PRKAG2: variants seen among roughly 807,000 people sequenced by gnomAD.
PRKAG2 encodes 5'-AMP-activated protein kinase subunit gamma-2.
A neutral mutation model predicts 69.6 loss-of-function variants in PRKAG2; 26 were observed. That is an observed-to-expected ratio of 0.37 (90% CI 0.27 to 0.52). The LOEUF (loss-of-function observed/expected upper bound fraction) is 0.52, where lower values mean the gene tolerates loss of function less well. Among genes scored for constraint, PRKAG2 ranks in the 20% least tolerant of loss-of-function variants. PRKAG2 has a pLI of 0.90. For synonymous variants in PRKAG2, 293 were observed against 285.0 expected (o/e 1.03, Z -0.28); for missense variants, 557 against 740.0 (o/e 0.75, Z 2.87).
intron 6 of PRKAG2, 76 bp from the exon 7 acceptor site, chr7:151,576,528 T>A: frequency 7.7e-7 from 1 of 1,296,616 alleles, no homozygotes; most frequent in Non-Finnish European, 1.1e-6. Context: ...TGAGACAAGG[T>A]TTCACTCTGT....
rs2078150747 is a variant in PRKAG2, at chr7:151,807,115, T to C, written c.115-20574A>G. On this transcript the variant is annotated intron_variant, in intron 1 of 15. Transcript: ENST00000287878. This position sits in a 1 kb window ranked among gnomAD's most constrained non-coding sequence, Gnocchi z 4.4. Reference sequence around the variant, plus strand: ...GCTGTAAAGGGTCAGAGGGACCTTGTGGAGTGGTGGAAATGTTCCAGATCA... The same window carrying C: ...GCTGTAAAGGGTCAGAGGGACCTTGCGGAGTGGTGGAAATGTTCCAGATCA... 2.6e-6 allele frequency: 1 copy of C among 383,914 alleles called. No homozygotes were observed. Among genetic ancestry groups the C allele is most frequent in the African/African-American group, 2.1e-5 (1 of 47,292 alleles). 23.8% of individuals were successfully genotyped at this position (383,914 alleles called of 1,614,324 possible).
intron 5 of PRKAG2, among the ~76,000 whole-genome samples, chr7:151,618,835 A>G (rs918230287): frequency 6.6e-6 from 1 of 152,232 alleles, no homozygotes; most frequent in Non-Finnish European, 1.5e-5. Context: ...AAACAAAGGC[A>G]AATCTTAAAC....
At chr7:151,579,163 C>G (rs1380146905) in intron 6 of PRKAG2, among the ~76,000 whole-genome samples, 1 of 152,084 alleles carries the variant, frequency 6.6e-6, no homozygotes, top group African/African-American at 2.4e-5. Flanking sequence ...TAGCTGGGAC[C>G]ACAGGCACAT....
At chr7:151,865,525 A>G (rs191040475) in intron 1 of PRKAG2, among the ~76,000 whole-genome samples, 1,600 of 152,318 alleles carry the variant, frequency 0.011, 35 homozygotes, top group African/African-American at 0.033. Flanking sequence ...GCCCATGTGG[A>G]TCACAGTGAG....
At chr7:151,838,693 C>T (rs556656433) in intron 1 of PRKAG2, among the ~76,000 whole-genome samples, 17 of 138,048 alleles carry the variant, frequency 1.2e-4, no homozygotes, top group Non-Finnish European at 2.2e-4. Context: ...GGAGATAAAG[C>T]AAGACCCTGT....
At chr7:151,840,858 C>T (rs1241459196) in intron 1 of PRKAG2, among the ~76,000 whole-genome samples, 1 of 152,230 alleles carries the variant, frequency 6.6e-6, no homozygotes, top group Non-Finnish European at 1.5e-5. Flanking sequence ...TAAAGTGCTG[C>T]CGGGCACGGT....
At position 151,676,126 on chromosome 7, in the gene PRKAG2, G is replaced by A. The variant is rs542577036; in HGVS notation, c.467-489C>T. 2.4e-3 allele frequency among the ~76,000 whole-genome samples: 365 copies of A among 151,902 alleles called. 3 individuals are homozygous for A. Among genetic ancestry groups the A allele is most frequent in the African/African-American group, 8.6e-3 (356 of 41,380 alleles). On this transcript the variant is annotated intron_variant, in intron 3 of 15. Transcript: ENST00000287878. Reference sequence around the variant, plus strand: ...CCTCTCCTTCTTTCCCCAGCATGGCGCCAAGAGCAAACGCAGTGGTGCCTT... The same window carrying A: ...CCTCTCCTTCTTTCCCCAGCATGGCACCAAGAGCAAACGCAGTGGTGCCTT...
intron 5 of PRKAG2, among the ~76,000 whole-genome samples, chr7:151,609,951 G>A (rs1818385106): frequency 6.6e-6 from 1 of 152,194 alleles, no homozygotes; most frequent in Admixed American, 6.5e-5. Context: ...TGAGCAGCAC[G>A]AACTTGCTGA....
intron 6 of PRKAG2, among the ~76,000 whole-genome samples, chr7:151,587,558 C>A (rs1223256902): frequency 6.6e-6 from 1 of 152,116 alleles, no homozygotes; most frequent in Admixed American, 6.6e-5. Context: ...CAGTAAGCAC[C>A]CTGGAGACGG....
chr7:151,863,085 G>A (rs1168131402), intron 1 of PRKAG2, among the ~76,000 whole-genome samples: 8 of 138,334 alleles, frequency 5.8e-5, no homozygotes, highest in East Asian at 2.3e-4. Context: ...TGCAGGGGGC[G>A]CTGGTAGGTC....
chr7:151,598,856 A>G (rs574669275), intron 5 of PRKAG2, among the ~76,000 whole-genome samples: 2 of 147,360 alleles, frequency 1.4e-5, no homozygotes, highest in Non-Finnish European at 3.0e-5. Flanking sequence ...TTTTTTATGT[A>G]TTTTTTTTTT....
chr7:151,724,841 A>G (rs1354300702), intron 3 of PRKAG2, among the ~76,000 whole-genome samples: 3 of 152,044 alleles, frequency 2.0e-5, no homozygotes, highest in Non-Finnish European at 4.4e-5. Flanking sequence ...GGCACCAGAA[A>G]GCACCCCCCG....
At chr7:151,562,869 C>G (rs1163127188) in intron 14 of PRKAG2, among the ~76,000 whole-genome samples, 2 of 150,968 alleles carry the variant, frequency 1.3e-5, no homozygotes, top group Non-Finnish European at 2.9e-5. Context: ...GCAGGAGAAT[C>G]GCTTGAACCT....
intron 1 of PRKAG2, among the ~76,000 whole-genome samples, chr7:151,826,473 G>A (rs1329083415): frequency 6.6e-6 from 1 of 152,054 alleles, no homozygotes; most frequent in Non-Finnish European, 1.5e-5. Context: ...GTGAGCCACC[G>A]CGCCTGGCTC....
At chr7:151,801,534 C>T (rs534058685) in intron 1 of PRKAG2, among the ~76,000 whole-genome samples, 62 of 152,290 alleles carry the variant, frequency 4.1e-4, no homozygotes, top group African/African-American at 1.4e-3. Flanking sequence ...TCACAGGGCT[C>T]GCTGGGCAGC....
intron 8 of PRKAG2, among the ~76,000 whole-genome samples, chr7:151,574,591 C>T (rs1254069957): frequency 2.0e-5 from 3 of 152,204 alleles, no homozygotes; most frequent in African/African-American, 7.2e-5. Context: ...GAACGTCTAG[C>T]TAATAAATAT....
intron 1 of PRKAG2, among the ~76,000 whole-genome samples, chr7:151,857,193 C>T (rs1273508051): frequency 6.6e-6 from 1 of 150,566 alleles, no homozygotes; most frequent in Non-Finnish European, 1.5e-5. Flanking sequence ...CAGCATCCTG[C>T]GGAAGACGGT....
At chr7:151,682,206 A>G (rs1233576668) in intron 3 of PRKAG2, among the ~76,000 whole-genome samples, 2 of 152,200 alleles carry the variant, frequency 1.3e-5, no homozygotes, top group Non-Finnish European at 2.9e-5. Context: ...ATCACTATTC[A>G]TAAATAAAAG....
chr7:151,612,109 C>T (rs952694269), intron 5 of PRKAG2, among the ~76,000 whole-genome samples: 3 of 152,140 alleles, frequency 2.0e-5, no homozygotes, highest in East Asian at 3.9e-4. Flanking sequence ...GCGACACCAG[C>T]ATCACTAAAG....
Sources: gnomAD v4.1 joint callset for allele counts (sites outside exome capture counted in the v4.1 genomes callset) on GRCh38, gnomAD v4.1.1 for gene constraint, Gnocchi (gnomAD v3.1) non-coding constraint, MANE v1.5 for transcripts, NCBI Gene and HGNC (gene_info 2026-07-23, HGNC 2026-07-21) for gene names.